ERLIN2: variants seen among roughly 807,000 people sequenced by gnomAD.
ERLIN2 encodes ER lipid raft associated 2, also known as erlin-2.
Under a neutral mutation model 41.5 loss-of-function variants are expected in ERLIN2, and 22 were observed. The ratio of observed to expected loss-of-function variants is 0.53; its 90% CI spans 0.38 to 0.76. ERLIN2 has a LOEUF of 0.76. Ranked by LOEUF, ERLIN2 falls within the 30% of genes least tolerant of loss-of-function variation. The probability of loss-of-function intolerance (pLI) is 0.00; values close to 1 mark genes in which losing one functional copy is unlikely to be tolerated. For synonymous variants in ERLIN2, 149 were observed against 150.9 expected (o/e 0.99, Z 0.09); for missense variants, 247 against 414.3 (o/e 0.60, Z 3.51).
chr8:37,755,647 CCTT>C lies in ERLIN2; in HGVS notation c.*1536_*1538del, dbSNP rs1242432795. ...TGGTCCTTTCTGGCAGCAATCCCTG[CCTT>C]CTTTTTGGGCCCATGCCCAGACTTC... On this transcript the variant is annotated 3_prime_UTR_variant, in exon 12 of 12. Coordinates refer to ENST00000519638, the MANE Select transcript of ERLIN2 (RefSeq NM_007175.8). 2 of 149,748 alleles carry C rather than the reference CCTT, an allele frequency of 1.3e-5. No individual in the cohort carries two copies. Among genetic ancestry groups the C allele is most frequent in the African/African-American group, 2.5e-5 (1 of 40,674 alleles). The allele number at this position is 149,748 out of a possible 1,614,324, so 9.3% of individuals were successfully genotyped here. A position where few individuals can be genotyped will look rare whatever the true frequency, so the allele number is the denominator to read the frequency against.
Position 37,753,582 on chromosome 8 carries a change from T to C in ERLIN2, c.819+53T>C. 2.6e-6 allele frequency: 4 copies of C among 1,534,026 alleles called. No homozygotes were observed. In the South Asian group the frequency reaches 4.5e-5, roughly 17 times the overall value. Reference sequence around the variant, plus strand: ...AGGAGTCTTTGGGTCTGGGTCTGTATTGCAGGAGAGTTTCCAGTGTTGAGC... The same window carrying C: ...AGGAGTCTTTGGGTCTGGGTCTGTACTGCAGGAGAGTTTCCAGTGTTGAGC... On this transcript the variant is annotated intron_variant, in intron 11 of 11. Transcript: ENST00000519638.
In ERLIN2 at chr8:37,741,898, G is replaced by T; in HGVS notation, c.236+80G>T. ...CTGGCTGGTTGCAGGAAGAGACAGT[G>T]AAAAGGGAGGCACCCTTTCTTGGTT... On this transcript the variant is annotated intron_variant, in intron 4 of 11. Coordinates refer to ENST00000519638, the MANE Select transcript of ERLIN2 (RefSeq NM_007175.8). The surrounding 1 kb of genome is among the most constrained non-coding windows in gnomAD (Gnocchi z 4.8). The T allele has an allele frequency of 9.3e-7, 1 of 1,076,612 alleles. No individual in the cohort carries two copies. Among genetic ancestry groups the T allele is most frequent in the Non-Finnish European group, 1.4e-6 (1 of 692,350 alleles). 66.7% of individuals were successfully genotyped at this position (1,076,612 alleles called of 1,614,324 possible). A position where few individuals can be genotyped will look rare whatever the true frequency, so the allele number is the denominator to read the frequency against.
At chr8:37,744,749 C>T (rs754271424) in intron 6 of ERLIN2, 53 bp downstream of exon 6, 87 of 1,603,720 alleles carry the variant, frequency 5.4e-5, no homozygotes, top group East Asian at 4.9e-4. Context: ...CCTGGAACCC[C>T]GCGTCTCTCC....
intron 6 of ERLIN2, chr8:37,746,442 A>G (rs1263211789): frequency 5.1e-6 from 5 of 985,216 alleles, no homozygotes; most frequent in Non-Finnish European, 6.0e-6. Context: ...AAACATGGAT[A>G]CAAACACATG....
Position 37,754,386 on chromosome 8 carries a change from A to G in ERLIN2, c.*271A>G, listed in dbSNP as rs1248878012. The G allele has an allele frequency of 2.2e-6, 1 of 444,578 alleles. No homozygotes were observed. Among genetic ancestry groups the G allele is most frequent in the Non-Finnish European group, 4.2e-6 (1 of 240,020 alleles). 27.5% of individuals were successfully genotyped at this position (444,578 alleles called of 1,614,324 possible). A position where few individuals can be genotyped will look rare whatever the true frequency, so the allele number is the denominator to read the frequency against. On this transcript the variant is annotated 3_prime_UTR_variant, in exon 12 of 12. Transcript: ENST00000519638. Reference sequence around the variant, plus strand: ...CCTTTGACCTCTAGACACTAATTTTATCCTTTGAGGCTGGCTTAATTAGGG... The same window carrying G: ...CCTTTGACCTCTAGACACTAATTTTGTCCTTTGAGGCTGGCTTAATTAGGG...
intron 10 of ERLIN2, 147 bp downstream of exon 10, chr8:37,751,862 T>A: frequency 1.4e-6 from 1 of 714,802 alleles, no homozygotes; most frequent in Non-Finnish European, 2.5e-6. Flanking sequence ...TGTGGAGACT[T>A]GAGTTTTGAG....
At chr8:37,742,019 A>G (rs1277901332) in intron 4 of ERLIN2, among the ~76,000 whole-genome samples, 2 of 152,134 alleles carry the variant, frequency 1.3e-5, no homozygotes, top group African/African-American at 4.8e-5. Context: ...AGAATGCTGT[A>G]TGTGATAAGG....
At chr8:37,751,510 GCCCTCTGGGGGCTCT>G in intron 9 of ERLIN2, 101 bp from the exon 10 acceptor site, 1 of 798,220 alleles carries the variant, frequency 1.3e-6, no homozygotes, top group Non-Finnish European at 2.2e-6. Flanking sequence ...ACTCACAGCT[GCCCTCTGGGGGCTCT>G]CCAGACAAGC....
chr8:37,744,412 C>T lies in ERLIN2; in HGVS notation c.294C>T (p.Asn98=), dbSNP rs770977331. 17 of 1,613,770 alleles carry T rather than the reference C, an allele frequency of 1.1e-5. No homozygotes were observed. Among genetic ancestry groups the T allele is most frequent in the South Asian group, 5.5e-5 (5 of 91,074 alleles). Residue 98 remains asparagine (N), a synonymous_variant, in exon 5 of 12, where the codon AAC becomes AAT. Transcript: ENST00000519638. ...AAGTGGTGAACTTCCTGGTCCCGAA[C>T]GCAGGTACGTCTTAACAGTTTATTC... ...RIEVVNFLVP[N]AVYDIVKNYT...
chr8:37,754,144 C>A lies in ERLIN2; in HGVS notation c.*29C>A. 3 of 1,468,034 alleles carry A rather than the reference C, an allele frequency of 2.0e-6. No individual in the cohort carries two copies. Among genetic ancestry groups the A allele is most frequent in the Non-Finnish European group, 2.9e-6 (3 of 1,048,966 alleles). The allele number at this position is 1,468,034 out of a possible 1,614,324, so 90.9% of individuals were successfully genotyped here. The stretch of plus-strand genomic sequence containing the variant: ...AAACTTGATATGACTGCAAATGATA[C>A]TTAAGCAGATCTTTATTTTTTAAGA... On this transcript the variant is annotated 3_prime_UTR_variant, in exon 12 of 12. Transcript: ENST00000519638.
At chr8:37,752,977 A>C (rs1261598084) in intron 10 of ERLIN2, among the ~76,000 whole-genome samples, 1 of 152,204 alleles carries the variant, frequency 6.6e-6, no homozygotes, top group African/African-American at 2.4e-5. Flanking sequence ...TTTAGGGTGG[A>C]TCGACCTCTG....
At chr8:37,745,054 A>C (rs1802993264) in intron 6 of ERLIN2, 2 of 570,916 alleles carry the variant, frequency 3.5e-6, no homozygotes, top group Non-Finnish European at 6.2e-6. Flanking sequence ...TGTCCAGACC[A>C]GCATCCTCAT....
At chr8:37,745,385 CT>C in intron 6 of ERLIN2, 1 of 632,992 alleles carries the variant, frequency 1.6e-6, no homozygotes, top group South Asian at 2.0e-5. Context: ...ATGTTTTGTC[CT>C]TTTTACCTTT....
At position 37,741,272 on chromosome 8, in the gene ERLIN2, TGAGA is replaced by T. The variant is rs374487092; in HGVS notation, c.190-485_190-482del. On this transcript the variant is annotated intron_variant, in intron 3 of 11. Coordinates refer to ENST00000519638, the MANE Select transcript of ERLIN2 (RefSeq NM_007175.8). This position sits in a 1 kb window ranked among gnomAD's most constrained non-coding sequence, Gnocchi z 4.8. ...GTGACTACAGTACAATAAGATATTT[TGAGA>T]GAGAGAGAGAGAGACCACCTTCAAA... 5.4e-4 allele frequency among the ~76,000 whole-genome samples: 82 copies of T among 151,314 alleles called. No individual in the cohort carries two copies. Among genetic ancestry groups the T allele is most frequent in the African/African-American group, 1.7e-3 (70 of 41,156 alleles).
rs1292968883 is a variant in ERLIN2 at position 37,741,441 on chromosome 8, G to A, written c.190-331G>A. Among the ~76,000 whole-genome samples the A allele has an allele frequency of 2.0e-5, 3 of 152,182 alleles. No individual in the cohort carries two copies. Among genetic ancestry groups the A allele is most frequent in the African/African-American group, 7.2e-5 (3 of 41,440 alleles). ...CTCTCCCCGGTTTCAAGCATCCACT[G>A]GGGGCCTTCGAACATAAAGCGGTGC... is the stretch of plus-strand genomic sequence containing the variant. On this transcript the variant is annotated intron_variant, in intron 3 of 11. Transcript: ENST00000519638. The surrounding 1 kb of genome is among the most constrained non-coding windows in gnomAD (Gnocchi z 4.8).
At position 37,740,450 on chromosome 8, in the gene ERLIN2, T is replaced by A; in HGVS notation, c.189+4T>A. Reference sequence around the variant, plus strand: ...CACATCATATAAGTCTGTGCAGGTATGCTTGGCCTCTGTGGTATGGCTGGA... The same window carrying A: ...CACATCATATAAGTCTGTGCAGGTAAGCTTGGCCTCTGTGGTATGGCTGGA... On this transcript the variant is annotated splice_donor_region_variant and intron_variant, in intron 3 of 11. Transcript: ENST00000519638. 1 of 1,610,366 alleles carries A rather than the reference T, an allele frequency of 6.2e-7. No homozygotes were observed.
chr8:37,737,692 T>C (rs1802699280), intron 1 of ERLIN2: 1 of 551,134 alleles, frequency 1.8e-6, no homozygotes, highest in African/African-American at 1.9e-5. Flanking sequence ...CAGTGCTTCC[T>C]CAGTGCGGTG....
chr8:37,738,746 A>G (rs1181419891), intron 2 of ERLIN2, among the ~76,000 whole-genome samples: 3 of 152,146 alleles, frequency 2.0e-5, no homozygotes, highest in Non-Finnish European at 4.4e-5. Flanking sequence ...TTAGCCGAGC[A>G]TGGCAGCACG....
chr8:37,744,930 T>A, intron 6 of ERLIN2: 1 of 664,352 alleles, frequency 1.5e-6, no homozygotes, highest in Non-Finnish European at 2.7e-6. Flanking sequence ...CATAGTGGAG[T>A]AGAGTATTCA....
Sources: gnomAD v4.1 joint callset for allele counts (sites outside exome capture counted in the v4.1 genomes callset) on GRCh38, gnomAD v4.1.1 for gene constraint, Gnocchi (gnomAD v3.1) non-coding constraint, MANE v1.5 for transcripts, NCBI Gene and HGNC (gene_info 2026-07-23, HGNC 2026-07-21) for gene names.